Variants in RBMS3 observed in about 807,000 individuals in gnomAD.
The protein encoded by RBMS3 is RNA binding motif single stranded interacting protein 3, also known as RNA-binding motif, single-stranded-interacting protein 3.
Under a neutral mutation model 66.8 loss-of-function variants are expected in RBMS3, and 27 were observed. The ratio of observed to expected loss-of-function variants is 0.40; its 90% CI spans 0.30 to 0.56. The LOEUF (loss-of-function observed/expected upper bound fraction) is 0.56. RBMS3 is among the 20% of genes least tolerant of loss of function. The pLI is 0.40. For synonymous variants in RBMS3, 188 were observed against 183.0 expected (o/e 1.03, Z -0.22); for missense variants, 513 against 549.5 (o/e 0.93, Z 0.66).
chr3:29,747,390 GTAGATAGATAGATAGA>G (rs56736478), intron 5 of RBMS3, among the ~76,000 whole-genome samples: 9,763 of 141,202 alleles, frequency 0.069, 365 homozygotes, highest in Middle Eastern at 0.12. Context: ...AGGTAGGTAG[GTAGATAGATAGATAGA>G]TAGATAGATA....
At chr3:29,919,001 C>A (rs1372748756) in intron 10 of RBMS3, among the ~76,000 whole-genome samples, 2 of 151,630 alleles carry the variant, frequency 1.3e-5, no homozygotes, top group African/African-American at 4.8e-5. Flanking sequence ...TATCTTTTTT[C>A]TTTTTATATA....
intron 1 of RBMS3, among the ~76,000 whole-genome samples, chr3:29,416,834 G>A (rs371324901): frequency 7.9e-5 from 12 of 152,070 alleles, no homozygotes; most frequent in Admixed American, 1.3e-4. Flanking sequence ...AGCCAGAAGC[G>A]AACTCTGTGC....
chr3:29,623,203 G>A (rs912539518), intron 4 of RBMS3, among the ~76,000 whole-genome samples: 34 of 150,422 alleles, frequency 2.3e-4, no homozygotes, highest in Admixed American at 1.9e-3. Context: ...TATTAATAGC[G>A]TATTTTAATC....
At chr3:29,442,200 A>G (rs1426106546) in intron 2 of RBMS3, among the ~76,000 whole-genome samples, 3 of 151,608 alleles carry the variant, frequency 2.0e-5, no homozygotes, top group Non-Finnish European at 2.9e-5. Context: ...TTAAATTTCT[A>G]TATATACTTA....
intron 12 of RBMS3, among the ~76,000 whole-genome samples, chr3:29,967,989 A>G (rs542450814): frequency 5.3e-5 from 8 of 151,258 alleles, no homozygotes; most frequent in Non-Finnish European, 1.2e-4. Context: ...GATCTTGGTT[A>G]TTTTCTTTCT....
intron 3 of RBMS3, among the ~76,000 whole-genome samples, chr3:29,527,512 A>G (rs1430894857): frequency 6.6e-6 from 1 of 152,220 alleles, no homozygotes; most frequent in African/African-American, 2.4e-5. Context: ...TATGAGGCAT[A>G]TCTTAATTTC....
intron 6 of RBMS3, among the ~76,000 whole-genome samples, chr3:29,832,439 C>G (rs1314579296): frequency 6.6e-6 from 1 of 152,112 alleles, no homozygotes; most frequent in African/African-American, 2.4e-5. Context: ...GGGCATCTAG[C>G]AGAAAAGTCC....
chr3:29,391,122 C>CA (rs1246744126), intron 1 of RBMS3: 7 of 198,328 alleles, frequency 3.5e-5, no homozygotes, highest in South Asian at 1.6e-4. Context: ...GCAGAAACCC[C>CA]AAAAAAATGG....
intron 6 of RBMS3, among the ~76,000 whole-genome samples, chr3:29,764,220 A>G (rs543948274): frequency 6.6e-6 from 1 of 152,152 alleles, no homozygotes; most frequent in East Asian, 1.9e-4. Flanking sequence ...GTGAGTCAAC[A>G]TACAGTGAAG....
In RBMS3 at chr3:29,309,904, T is replaced by A. The variant is rs192966711; in HGVS notation, c.75+28148T>A. Among the ~76,000 whole-genome samples the A allele has an allele frequency of 1.2e-3, 181 of 151,760 alleles. 2 individuals are homozygous for A. Among genetic ancestry groups the A allele is most frequent in the Middle Eastern group, 6.8e-3 (2 of 294 alleles). On this transcript the variant is annotated intron_variant, in intron 1 of 14. Coordinates refer to ENST00000383767, the MANE Select transcript of RBMS3 (RefSeq NM_001003793.3). ...GCATTAGTAGTGCAGCCAACTTTTT[T>A]AAAAAAGTTTGAGATTTAAAATTAG...
chr3:29,830,546 A>T (rs931028015), intron 6 of RBMS3, among the ~76,000 whole-genome samples: 1 of 152,142 alleles, frequency 6.6e-6, no homozygotes, highest in African/African-American at 2.4e-5. Flanking sequence ...AGAGTAAAAT[A>T]CATAGAATGG....
chr3:29,985,617 T>C (rs1191886312), intron 12 of RBMS3, among the ~76,000 whole-genome samples: 1 of 152,104 alleles, frequency 6.6e-6, no homozygotes, highest in African/African-American at 2.4e-5. Flanking sequence ...ATCCAACCCC[T>C]TGTGCTTCCC....
chr3:29,298,589 T>C (rs2033452205), intron 1 of RBMS3, among the ~76,000 whole-genome samples: 1 of 144,742 alleles, frequency 6.9e-6, no homozygotes, highest in African/African-American at 2.5e-5. Context: ...CTCCTCAAGG[T>C]GTTTGGCATT....
In RBMS3 at chr3:29,983,369, A is replaced by G. The variant is rs186151299; in HGVS notation, c.1099-4774A>G. Reference sequence around the variant, plus strand: ...ACCAATGGGTCTTACTCTTTATCCAATTTGCCAGTCTGTGTCTTTTAATTG... The same window carrying G: ...ACCAATGGGTCTTACTCTTTATCCAGTTTGCCAGTCTGTGTCTTTTAATTG... On this transcript the variant is annotated intron_variant, in intron 12 of 14. Transcript: ENST00000383767. Among the ~76,000 whole-genome samples, 406 of 151,526 alleles carry G rather than the reference A, an allele frequency of 2.7e-3. 1 individual carries two copies. Among genetic ancestry groups the G allele is most frequent in the Non-Finnish European group, 3.2e-3 (217 of 67,902 alleles).
intron 1 of RBMS3, among the ~76,000 whole-genome samples, chr3:29,380,672 A>G (rs1397826409): frequency 2.6e-5 from 4 of 152,230 alleles, no homozygotes; most frequent in Non-Finnish European, 5.9e-5. Flanking sequence ...AGGGCAGGTC[A>G]GTGAGGCTCA....
intron 3 of RBMS3, among the ~76,000 whole-genome samples, chr3:29,568,172 G>T (rs1196586569): frequency 6.6e-6 from 1 of 152,138 alleles, no homozygotes; most frequent in African/African-American, 2.4e-5. Context: ...CTTTTTTAAA[G>T]AGATGAATTA....
At chr3:29,793,238 AAAAGAAAAAGG>A (rs1409755509) in intron 6 of RBMS3, among the ~76,000 whole-genome samples, 4 of 151,694 alleles carry the variant, frequency 2.6e-5, no homozygotes, top group East Asian at 1.9e-4. Context: ...CTCAAAAAAA[AAAAGAAAAAGG>A]AAAAGAAAAA....
intron 6 of RBMS3, among the ~76,000 whole-genome samples, chr3:29,819,728 T>C (rs752845626): frequency 2.0e-5 from 3 of 152,190 alleles, no homozygotes; most frequent in Non-Finnish European, 4.4e-5. Flanking sequence ...TGGTACTGTA[T>C]TGACTGACAT....
At chr3:29,502,119 A>G (rs2043998232) in intron 3 of RBMS3, among the ~76,000 whole-genome samples, 1 of 152,046 alleles carries the variant, frequency 6.6e-6, no homozygotes, top group Admixed American at 6.6e-5. Context: ...GACCTAAACT[A>G]TCCTTTATTT....
Sources: allele counts gnomAD v4.1 joint callset (sites outside exome capture counted in the v4.1 genomes callset), GRCh38; gene constraint gnomAD v4.1.1; transcripts MANE v1.5; gene names NCBI Gene and HGNC (gene_info 2026-07-23, HGNC 2026-07-21).